Variants in DNAH11 observed in about 807,000 individuals in gnomAD.
The protein encoded by DNAH11 is dynein axonemal heavy chain 11.
A neutral mutation model predicts 526.0 loss-of-function variants in DNAH11; 442 were observed. That is an observed-to-expected ratio of 0.84 (90% CI 0.78 to 0.91). The LOEUF is 0.91. Among genes scored for constraint, DNAH11 ranks in the 40% least tolerant of loss-of-function variants. The pLI is 0.00. For missense variants in DNAH11, 6,989 were observed against 5,448.7 expected (o/e 1.28, Z -8.90); for synonymous variants, 2,461 against 1,935.9 (o/e 1.27, Z -7.12).
intron 54 of DNAH11, among the ~76,000 whole-genome samples, chr7:21,763,712 A>G (rs1234216828): frequency 1.3e-5 from 2 of 150,846 alleles, no homozygotes; most frequent in African/African-American, 2.4e-5. Context: ...TTTCATGTTC[A>G]CTGCAGCGTT....
At chr7:21,730,823 A>G (rs755729389) in intron 45 of DNAH11, among the ~76,000 whole-genome samples, 2 of 152,140 alleles carry the variant, frequency 1.3e-5, no homozygotes, top group Admixed American at 6.5e-5. Flanking sequence ...TTAAGAGAAA[A>G]AATTGTAAGT....
chr7:21,592,333 CAG>C (rs1472841876), intron 14 of DNAH11, among the ~76,000 whole-genome samples: 1 of 152,100 alleles, frequency 6.6e-6, no homozygotes, highest in Non-Finnish European at 1.5e-5. Context: ...AGAGAACTGA[CAG>C]GGAACAAAGC....
At position 21,901,556 on chromosome 7, in the gene DNAH11, AAG is replaced by A. The variant is rs1689910057; in HGVS notation, c.*304_*305del. 4.4e-6 allele frequency: 1 copy of A among 224,754 alleles called. No homozygotes were observed. The highest frequency in any genetic ancestry group is 8.6e-6 in the Non-Finnish European group (1 of 116,332). 13.9% of individuals were successfully genotyped at this position (224,754 alleles called of 1,614,324 possible). The stretch of plus-strand genomic sequence containing the variant: ...TGCACTCCCTCCTGGGCAACAGAAC[AAG>A]ACTCCATCTCAAAAAAAAAAAAGTA... On this transcript the variant is annotated 3_prime_UTR_variant, in exon 82 of 82. Transcript: ENST00000409508.
chr7:21,623,385 A>T (rs1371191142), intron 25 of DNAH11, among the ~76,000 whole-genome samples: 1 of 152,166 alleles, frequency 6.6e-6, no homozygotes. Flanking sequence ...AACTAGTTCA[A>T]CCCTTGTGGA....
chr7:21,637,983 C>A (rs766988640), intron 27 of DNAH11, among the ~76,000 whole-genome samples: 2 of 151,680 alleles, frequency 1.3e-5, no homozygotes, highest in Non-Finnish European at 2.9e-5. Context: ...ATTGATTGAT[C>A]AATTATTTCC....
At position 21,687,371 on chromosome 7, in the gene DNAH11, T is replaced by G; in HGVS notation, c.5779-11T>G. ...TCTGTTAAATTCTGAGTGCCTCACTTTATCATTTAGTCCATAGGCAATATC... is the reference window on the plus strand; with the variant it reads ...TCTGTTAAATTCTGAGTGCCTCACTGTATCATTTAGTCCATAGGCAATATC... On this transcript the variant is annotated splice_polypyrimidine_tract_variant and intron_variant, in intron 33 of 81. Coordinates refer to ENST00000409508, the MANE Select transcript of DNAH11 (RefSeq NM_001277115.2). 1 of 1,597,368 alleles carries G rather than the reference T, an allele frequency of 6.3e-7. No homozygotes were observed. The highest frequency in any genetic ancestry group is 8.5e-7 in the Non-Finnish European group (1 of 1,170,464).
In DNAH11 at chr7:21,638,802, AAAAG is replaced by A. The variant is rs1482466723; in HGVS notation, c.4818-134_4818-131del. 3.4e-5 allele frequency: 36 copies of A among 1,045,288 alleles called. No homozygotes were observed. The Admixed American group carries it at 4.1e-4, about 12-fold the overall frequency. 64.8% of individuals were successfully genotyped at this position (1,045,288 alleles called of 1,614,324 possible). A position where few individuals can be genotyped will look rare whatever the true frequency, so the allele number is the denominator to read the frequency against. ...ATAAGCAAGATAGATGATGGTGTAA[AAAAG>A]AAGGAAGTAAGCTACCTGTTAAACA... On this transcript the variant is annotated intron_variant, in intron 27 of 81. Coordinates refer to ENST00000409508, the MANE Select transcript of DNAH11 (RefSeq NM_001277115.2).
At chr7:21,594,098 A>ACACACACT (rs534629301) in intron 14 of DNAH11, among the ~76,000 whole-genome samples, 12,992 of 147,196 alleles carry the variant, frequency 0.088, 736 homozygotes, top group Middle Eastern at 0.15. Context: ...ACACACACAC[A>ACACACACT]CTCTGAAGCC....
Position 21,641,144 on chromosome 7 carries a change from AC to A in DNAH11, c.4944+2081del. On this transcript the variant is annotated intron_variant, in intron 28 of 81. Coordinates refer to ENST00000409508, the MANE Select transcript of DNAH11 (RefSeq NM_001277115.2). ...GGTTCCATCTTCCTCCTCCTTTTCT[AC>A]CTAGGCAGATGTCCAAACAAGGGGC... Among the ~76,000 whole-genome samples, 5 of 152,112 alleles carry A rather than the reference AC, an allele frequency of 3.3e-5. No individual in the cohort carries two copies. The Middle Eastern group carries it at 0.014, about 414-fold the overall frequency.
intron 66 of DNAH11, chr7:21,851,482 C>G (rs1242868484): frequency 2.4e-5 from 11 of 461,974 alleles, no homozygotes; most frequent in Non-Finnish European, 3.6e-5. Flanking sequence ...CCCTTGTGGG[C>G]AGGCTTTGGT....
intron 25 of DNAH11, among the ~76,000 whole-genome samples, chr7:21,632,930 G>A (rs576777845): frequency 6.6e-6 from 1 of 152,266 alleles, no homozygotes; most frequent in South Asian, 2.1e-4. Flanking sequence ...ACCCAAGATT[G>A]GGCAATTTGT....
chr7:21,697,011 G>T (rs1394284008), intron 35 of DNAH11, among the ~76,000 whole-genome samples: 1 of 152,060 alleles, frequency 6.6e-6, no homozygotes, highest in Admixed American at 6.6e-5. Flanking sequence ...AAAAAATATG[G>T]GGTTAGTTTA....
intron 66 of DNAH11, among the ~76,000 whole-genome samples, chr7:21,843,418 A>T (rs1782290935): frequency 6.6e-6 from 1 of 152,084 alleles, no homozygotes; most frequent in Non-Finnish European, 1.5e-5. Context: ...GTAAGGGAAG[A>T]CAAAGGCATA....
intron 55 of DNAH11, among the ~76,000 whole-genome samples, chr7:21,770,099 T>C (rs1002006595): frequency 2.0e-5 from 3 of 152,196 alleles, no homozygotes; most frequent in Admixed American, 6.5e-5. Flanking sequence ...ATGGCAGTAA[T>C]CTTACTGCAA....
intron 54 of DNAH11, among the ~76,000 whole-genome samples, chr7:21,763,592 T>A (rs1010145998): frequency 1.3e-5 from 2 of 151,436 alleles, no homozygotes; most frequent in Admixed American, 1.3e-4. Context: ...GAAAACAGTA[T>A]GGTCGTTCCT....
intron 2 of DNAH11, among the ~76,000 whole-genome samples, chr7:21,554,001 A>G (rs1783121854): frequency 6.6e-6 from 1 of 151,726 alleles, no homozygotes; most frequent in Non-Finnish European, 1.5e-5. Flanking sequence ...AATCTGGAGT[A>G]TTTTCTTAAC....
intron 56 of DNAH11, among the ~76,000 whole-genome samples, chr7:21,778,745 A>C (rs1242240466): frequency 6.6e-6 from 1 of 152,216 alleles, no homozygotes; most frequent in Non-Finnish European, 1.5e-5. Context: ...TATTTCCTGC[A>C]AAATCATTGG....
rs1377289675 is a variant in DNAH11, at chr7:21,816,505, C to T, written c.10371C>T (p.Ser3457=). The T allele has an allele frequency of 2.5e-6, 4 of 1,611,190 alleles. No homozygotes were observed. Among genetic ancestry groups the T allele is most frequent in the Non-Finnish European group, 3.4e-6 (4 of 1,178,938 alleles). ...IPLTEGLDLI[S]MLTDDATIAA... is the part of the protein sequence containing the mutation. ...TAACCGAAGGCCTGGACTTGATATCCATGTTGACGGATGATGCTACAATTG... is the reference window on the plus strand; with the variant it reads ...TAACCGAAGGCCTGGACTTGATATCTATGTTGACGGATGATGCTACAATTG... Residue 3457 remains serine (S), a synonymous_variant, in exon 64 of 82, where the codon TCC becomes TCT. Coordinates refer to ENST00000409508, the MANE Select transcript of DNAH11 (RefSeq NM_001277115.2).
intron 43 of DNAH11, among the ~76,000 whole-genome samples, chr7:21,719,136 T>C (rs1784781260): frequency 6.6e-6 from 1 of 152,240 alleles, no homozygotes; most frequent in Non-Finnish European, 1.5e-5. Flanking sequence ...ATTTCTGCTC[T>C]ACTTCTTTCT....
Sources: gnomAD v4.1 joint callset for allele counts (sites outside exome capture counted in the v4.1 genomes callset) on GRCh38, gnomAD v4.1.1 for gene constraint, MANE v1.5 for transcripts, NCBI Gene and HGNC (gene_info 2026-07-23, HGNC 2026-07-21) for gene names.